The following PRDM5 variants were observed in gnomAD, a reference collection of about 807,000 sequenced individuals.
The protein encoded by PRDM5 is PR/SET domain 5.
PRDM5 carries 56 observed loss-of-function variants against 81.2 expected under a neutral mutation model. The ratio of observed to expected loss-of-function variants is 0.69; its 90% CI spans 0.56 to 0.86. The LOEUF (loss-of-function observed/expected upper bound fraction) is 0.86. Ranked by LOEUF, PRDM5 falls within the 40% of genes least tolerant of loss-of-function variation. The probability of loss-of-function intolerance (pLI) is 0.00; values close to 1 mark genes in which losing one functional copy is unlikely to be tolerated. For synonymous variants in PRDM5, 267 were observed against 256.4 expected, an observed-to-expected ratio of 1.04 and a Z score of -0.39; for missense variants, 697 against 770.1, an observed-to-expected ratio of 0.91 and a Z score of 1.12.
intron 1 of PRDM5, 49 bp downstream of exon 1, chr4:120,922,467 C>T (rs373747340): frequency 4.1e-4 from 586 of 1,445,332 alleles, no homozygotes; most frequent in Non-Finnish European, 4.9e-4. Flanking sequence ...CCGGGAGGCA[C>T]AGGGCGCGCG....
At chr4:120,737,263 T>A (rs1469614165) in intron 14 of PRDM5, among the ~76,000 whole-genome samples, 1 of 152,206 alleles carries the variant, frequency 6.6e-6, no homozygotes, top group Admixed American at 6.5e-5. Context: ...TGTACATCAA[T>A]GCAGAGCATC....
chr4:120,916,687 G>T (rs777910774), intron 1 of PRDM5, among the ~76,000 whole-genome samples: 3 of 152,098 alleles, frequency 2.0e-5, no homozygotes, highest in Non-Finnish European at 4.4e-5. Context: ...AACTGAACCC[G>T]TGATCTGCCC....
chr4:120,744,981 A>G (rs1203586420), intron 14 of PRDM5, among the ~76,000 whole-genome samples: 4 of 147,414 alleles, frequency 2.7e-5, no homozygotes, highest in African/African-American at 1.0e-4. Context: ...ACAACCAAAA[A>G]AGAGAATTTT....
At chr4:120,748,333 A>G (rs981001780) in intron 14 of PRDM5, among the ~76,000 whole-genome samples, 6 of 152,304 alleles carry the variant, frequency 3.9e-5, no homozygotes, top group Admixed American at 1.3e-4. Flanking sequence ...CTTGGTTTAA[A>G]GCTACAATGT....
chr4:120,839,121 G>T lies in PRDM5; in HGVS notation c.300+14297C>A, dbSNP rs572485235. The T allele has an allele frequency of 1.2e-4, 82 of 660,194 alleles. No homozygotes were observed. The African/African-American group carries it at 1.4e-3, about 11-fold the overall frequency. 40.9% of individuals were successfully genotyped at this position (660,194 alleles called of 1,614,324 possible). On this transcript the variant is annotated intron_variant, in intron 3 of 15. Coordinates refer to ENST00000264808, the MANE Select transcript of PRDM5 (RefSeq NM_018699.4). ...ACCCCAAAGAAGGAGTCACAGCCCT[G>T]GCTTGGGGAGCTCCCAGGTCTGGGA...
At chr4:120,786,046 A>T (rs1169315506) in intron 10 of PRDM5, among the ~76,000 whole-genome samples, 4 of 152,200 alleles carry the variant, frequency 2.6e-5, no homozygotes, top group African/African-American at 9.6e-5. Context: ...ATGCTAAAAA[A>T]TCAAAAATTA....
At chr4:120,799,535 C>A in intron 9 of PRDM5, 126 bp downstream of exon 9, 1 of 1,407,646 alleles carries the variant, frequency 7.1e-7, no homozygotes, top group Non-Finnish European at 9.5e-7. Context: ...AATCACATGA[C>A]TACTAAAGGT....
At chr4:120,799,817 T>A in intron 8 of PRDM5, 72 bp from the exon 9 acceptor site, 2 of 1,565,934 alleles carry the variant, frequency 1.3e-6, no homozygotes, top group South Asian at 1.2e-5. Context: ...CAAGCAAAAG[T>A]GTAAACATGT....
At chr4:120,821,673 C>G (rs553447727) in intron 3 of PRDM5, among the ~76,000 whole-genome samples, 2 of 151,686 alleles carry the variant, frequency 1.3e-5, no homozygotes, top group South Asian at 4.2e-4. Flanking sequence ...GCAACAGTGT[C>G]ATTCACACAT....
chr4:120,874,866 G>T (rs889590797), intron 2 of PRDM5, among the ~76,000 whole-genome samples: 1 of 152,218 alleles, frequency 6.6e-6, no homozygotes, highest in Non-Finnish European at 1.5e-5. Context: ...GTATATGTGT[G>T]TCCTATGGCC....
intron 5 of PRDM5, among the ~76,000 whole-genome samples, chr4:120,817,474 A>G (rs1423783701): frequency 1.3e-5 from 2 of 152,032 alleles, no homozygotes; most frequent in Non-Finnish European, 2.9e-5. Flanking sequence ...ATGAGAAGCT[A>G]AGGTTGGAGA....
At chr4:120,706,364 A>T (rs1736144137) in intron 15 of PRDM5, among the ~76,000 whole-genome samples, 1 of 152,150 alleles carries the variant, frequency 6.6e-6, no homozygotes, top group South Asian at 2.1e-4. Context: ...AATAATGGCT[A>T]TCATTCATGA....
At chr4:120,755,368 G>A (rs1744582998) in intron 13 of PRDM5, among the ~76,000 whole-genome samples, 1 of 152,172 alleles carries the variant, frequency 6.6e-6, no homozygotes, top group Non-Finnish European at 1.5e-5. Context: ...AAATCATTTA[G>A]GATGGACAGT....
Position 120,774,243 on chromosome 4 carries a change from C to T in PRDM5, c.1537+2945G>A, listed in dbSNP as rs992653185. 2.6e-5 allele frequency among the ~76,000 whole-genome samples: 4 copies of T among 152,172 alleles called. No individual in the cohort carries two copies. In the South Asian group the frequency reaches 6.2e-4, roughly 24 times the overall value. The stretch of plus-strand genomic sequence containing the variant: ...CCACCCTGCCTTCACTCATGGTCCT[C>T]GCCACTTCATTGTGTCCTCCCTAAA... On this transcript the variant is annotated intron_variant, in intron 13 of 15. Transcript: ENST00000264808.
chr4:120,684,555 T>C (rs1228748071), downstream of PRDM5, among the ~76,000 whole-genome samples: 2 of 151,984 alleles, frequency 1.3e-5, no homozygotes, highest in Non-Finnish European at 2.9e-5. Context: ...ATTTGTGTTC[T>C]TTATCATTTC....
intron 14 of PRDM5, among the ~76,000 whole-genome samples, chr4:120,732,112 T>C (rs1341291099): frequency 6.6e-6 from 1 of 152,146 alleles, no homozygotes; most frequent in Non-Finnish European, 1.5e-5. Flanking sequence ...GAGGAGCTCC[T>C]GCAGTCTTTA....
chr4:120,736,795 A>G lies in PRDM5; in HGVS notation c.1623+17758T>C, dbSNP rs17347219. 7.8e-3 allele frequency among the ~76,000 whole-genome samples: 1,193 copies of G among 152,366 alleles called. 8 individuals are homozygous for G. The highest frequency in any genetic ancestry group is 0.031 in the Middle Eastern group (9 of 294). ...TCCTATCCAGGTATCCAAGAAACAC[A>G]GTCTTTAGATCAATGAGCACAATCT... On this transcript the variant is annotated intron_variant, in intron 14 of 15. Transcript: ENST00000264808.
At chr4:120,847,807 A>G (rs1355083238) in intron 3 of PRDM5, among the ~76,000 whole-genome samples, 5 of 151,468 alleles carry the variant, frequency 3.3e-5, no homozygotes, top group Non-Finnish European at 5.9e-5. Flanking sequence ...ATATTAGTCA[A>G]AGATAAGGTT....
intron 14 of PRDM5, among the ~76,000 whole-genome samples, chr4:120,752,860 GC>G (rs1744205948): frequency 6.6e-6 from 1 of 152,022 alleles, no homozygotes; most frequent in Non-Finnish European, 1.5e-5. Flanking sequence ...AAATGTGAAG[GC>G]CTAAAAGAGT....
Sources: allele counts gnomAD v4.1 joint callset (sites outside exome capture counted in the v4.1 genomes callset), GRCh38; gene constraint gnomAD v4.1.1; transcripts MANE v1.5; gene names NCBI Gene and HGNC (gene_info 2026-07-23, HGNC 2026-07-21).